Variants in APBB2 observed in about 807,000 individuals in gnomAD.
The protein encoded by APBB2 is Fe65-like 1.
APBB2 carries 38 observed loss-of-function variants against 82.5 expected under a neutral mutation model. The observed-to-expected ratio is 0.46, with a 90% CI of 0.36 to 0.60. The LOEUF (loss-of-function observed/expected upper bound fraction) is 0.60, where lower values mean the gene tolerates loss of function less well. Ranked by LOEUF, APBB2 falls within the 20% of genes least tolerant of loss-of-function variation. The pLI is 0.00. For missense variants in APBB2, 772 were observed against 972.3 expected (o/e 0.79, Z 2.74); for synonymous variants, 341 against 368.2 (o/e 0.93, Z 0.85).
intron 3 of APBB2, among the ~76,000 whole-genome samples, chr4:41,092,411 G>C (rs763848032): frequency 2.0e-5 from 3 of 152,140 alleles, no homozygotes; most frequent in Non-Finnish European, 4.4e-5. Flanking sequence ...AAGAATGCAG[G>C]AGCCAAGTTT....
At chr4:40,940,774 C>G (rs554181975) in intron 7 of APBB2, among the ~76,000 whole-genome samples, 4 of 152,168 alleles carry the variant, frequency 2.6e-5, no homozygotes, top group African/African-American at 4.8e-5. Flanking sequence ...GACCAAAACA[C>G]CTTCATTTGA....
intron 12 of APBB2, among the ~76,000 whole-genome samples, chr4:40,888,212 GTTGTGGTCCT>G (rs1770894191): frequency 6.6e-6 from 1 of 152,246 alleles, no homozygotes. Flanking sequence ...ATACGTATGT[GTTGTGGTCCT>G]TATTATGATC....
chr4:41,154,653 A>C (rs940277639), intron 1 of APBB2, among the ~76,000 whole-genome samples: 8 of 152,170 alleles, frequency 5.3e-5, no homozygotes, highest in East Asian at 3.8e-4. Context: ...GGATCTCTTG[A>C]AATTGTGTAA....
chr4:40,886,532 T>C (rs910370928), intron 12 of APBB2, among the ~76,000 whole-genome samples: 5 of 151,798 alleles, frequency 3.3e-5, no homozygotes, highest in African/African-American at 1.2e-4. Context: ...CTTTGGTACT[T>C]CTGTAAAAGA....
chr4:41,049,268 C>T, intron 4 of APBB2, among the ~76,000 whole-genome samples: 1 of 149,368 alleles, frequency 6.7e-6, no homozygotes. Context: ...AGCGTCTCTG[C>T]CCGGCCGCCC....
chr4:40,903,054 G>A lies in APBB2; in HGVS notation c.1255-9643C>T, dbSNP rs9991755. Among the ~76,000 whole-genome samples the A allele has an allele frequency of 6.1e-3, 921 of 152,224 alleles. 6 individuals carry two copies. Among genetic ancestry groups the A allele is most frequent in the African/African-American group, 0.015 (642 of 41,544 alleles). On this transcript the variant is annotated intron_variant, in intron 10 of 17. Transcript: ENST00000508593. The stretch of plus-strand genomic sequence containing the variant: ...GCTACTAGAGAGGCTGAGGTGGGAG[G>A]ATCACTTGAGCTCAGGAGTTTGAGG...
intron 6 of APBB2, among the ~76,000 whole-genome samples, chr4:40,975,733 G>A (rs192852684): frequency 1.5e-5 from 2 of 133,948 alleles, no homozygotes; most frequent in South Asian, 5.0e-4. Context: ...GGTAAATAAA[G>A]AATTTAAATG....
chr4:40,867,297 G>A (rs909450722), intron 12 of APBB2, among the ~76,000 whole-genome samples: 7 of 152,052 alleles, frequency 4.6e-5, no homozygotes, highest in East Asian at 1.9e-4. Flanking sequence ...TAATATAAAC[G>A]ATGAGTATAC....
chr4:41,025,259 T>G (rs1003038806), intron 5 of APBB2, among the ~76,000 whole-genome samples: 2 of 152,084 alleles, frequency 1.3e-5, no homozygotes, highest in South Asian at 2.1e-4. Flanking sequence ...AGACATACAT[T>G]TGGCCAAGAA....
intron 4 of APBB2, among the ~76,000 whole-genome samples, chr4:41,042,075 C>T (rs1421425422): frequency 6.6e-6 from 1 of 152,112 alleles, no homozygotes; most frequent in Non-Finnish European, 1.5e-5. Flanking sequence ...ACTGCAGCCT[C>T]CGCCTCCTGC....
chr4:41,057,309 G>C (rs1179844638), intron 4 of APBB2, among the ~76,000 whole-genome samples: 1 of 152,078 alleles, frequency 6.6e-6, no homozygotes, highest in Non-Finnish European at 1.5e-5. Context: ...AAATTAGCTG[G>C]GTGTGGTGGT....
chr4:41,055,040 T>C (rs913113848), intron 4 of APBB2, among the ~76,000 whole-genome samples: 1 of 152,108 alleles, frequency 6.6e-6, no homozygotes, highest in Non-Finnish European at 1.5e-5. Flanking sequence ...GGCCGCCTTC[T>C]CCAACCTCAT....
intron 12 of APBB2, among the ~76,000 whole-genome samples, chr4:40,836,248 G>A (rs542342966): frequency 6.9e-4 from 105 of 152,284 alleles, no homozygotes; most frequent in Non-Finnish European, 1.2e-3. Flanking sequence ...AGGCCAAGGC[G>A]GGTGGATCTC....
At chr4:41,065,450 A>G (rs2153890708) in intron 4 of APBB2, 126 bp downstream of exon 4, 1 of 152,352 alleles carries the variant, frequency 6.6e-6, no homozygotes, top group South Asian at 2.1e-4. Flanking sequence ...AGAGCAATCC[A>G]TTCTCTTGTA....
intron 4 of APBB2, among the ~76,000 whole-genome samples, chr4:41,058,123 G>GATTCCTCC (rs1728489029): frequency 1.3e-5 from 2 of 152,112 alleles, no homozygotes; most frequent in African/African-American, 4.8e-5. Flanking sequence ...CAGGGCATCC[G>GATTCCTCC]ATTCCTCCTG....
At chr4:40,946,748 C>T (rs548076373) in intron 6 of APBB2, among the ~76,000 whole-genome samples, 128 of 152,272 alleles carry the variant, frequency 8.4e-4, no homozygotes, top group African/African-American at 2.9e-3. Flanking sequence ...AAGGATTAGG[C>T]TGTTTCCTAT....
chr4:40,990,301 CT>C (rs1205665301), intron 6 of APBB2: 1 of 152,004 alleles, frequency 6.6e-6, no homozygotes, highest in Admixed American at 6.6e-5. Flanking sequence ...CTCCCTCTCT[CT>C]TTCTCCCCTC....
At chr4:41,208,365 G>A (rs539908019) in intron 1 of APBB2, among the ~76,000 whole-genome samples, 50 of 152,234 alleles carry the variant, frequency 3.3e-4, no homozygotes, top group African/African-American at 1.1e-3. Context: ...GGGTTCAAGC[G>A]ATTCTCCTGC....
At chr4:40,830,377 T>C in intron 13 of APBB2, 86 bp downstream of exon 13, 1 of 868,522 alleles carries the variant, frequency 1.2e-6, no homozygotes, top group Non-Finnish European at 1.9e-6. Flanking sequence ...TGCAGGTTGA[T>C]GTGCCCACTC....
Sources: gnomAD v4.1 joint callset for allele counts (sites outside exome capture counted in the v4.1 genomes callset) on GRCh38, gnomAD v4.1.1 for gene constraint, MANE v1.5 for transcripts, NCBI Gene and HGNC (gene_info 2026-07-23, HGNC 2026-07-21) for gene names.